The following SLC24A2 variants were observed in gnomAD, a reference collection of about 807,000 sequenced individuals.
SLC24A2 encodes sodium/potassium/calcium exchanger 2.
SLC24A2 carries 36 observed loss-of-function variants against 62.0 expected under a neutral mutation model. That is an observed-to-expected ratio of 0.58 (90% CI 0.44 to 0.77). SLC24A2 has a LOEUF of 0.77. Among genes scored for constraint, SLC24A2 ranks in the 30% least tolerant of loss-of-function variants. SLC24A2 has a pLI of 0.00. For missense variants in SLC24A2, 846 were observed against 817.9 expected, an observed-to-expected ratio of 1.03 and a Z score of -0.42; for synonymous variants, 358 against 294.0, an observed-to-expected ratio of 1.22 and a Z score of -2.23.
chr9:20,226,815 G>A, the SLC24A2 span, among the ~76,000 whole-genome samples: 3 of 152,192 alleles, frequency 2.0e-5, no homozygotes, highest in Non-Finnish European at 4.4e-5. Context: ...TCAATCATGA[G>A]TGTGTATTAC....
chr9:20,264,603 A>G, the SLC24A2 span, among the ~76,000 whole-genome samples: 1 of 152,236 alleles, frequency 6.6e-6, no homozygotes, highest in Admixed American at 6.5e-5. Context: ...ACAAAAGACA[A>G]TCTCAGTTTT....
chr9:19,870,275 A>T, the SLC24A2 span, among the ~76,000 whole-genome samples: 7 of 152,174 alleles, frequency 4.6e-5, no homozygotes, highest in African/African-American at 1.4e-4. Flanking sequence ...ATGGAATCAT[A>T]GCCTTCTATA....
the SLC24A2 span, among the ~76,000 whole-genome samples, chr9:19,990,342 T>C: frequency 1.3e-5 from 2 of 152,068 alleles, no homozygotes; most frequent in Non-Finnish European, 2.9e-5. Context: ...CTGGGCACGG[T>C]GGCTCGTACC....
chr9:19,524,161 C>CAAAAAAAAAA (rs1833326143), intron 9 of SLC24A2, among the ~76,000 whole-genome samples: 1 of 69,568 alleles, frequency 1.4e-5, no homozygotes, highest in African/African-American at 5.4e-5. Flanking sequence ...AAAAAAAAAG[C>CAAAAAAAAAA]AAATTAGGCC....
Position 19,739,606 on chromosome 9 carries a change from T to C in SLC24A2, c.930+46331A>G, listed in dbSNP as rs75939160. Among the ~76,000 whole-genome samples the C allele has an allele frequency of 4.8e-3, 729 of 152,300 alleles. 6 individuals carry two copies. Among genetic ancestry groups the C allele is most frequent in the East Asian group, 0.045 (232 of 5,186 alleles). ...CAATAAATAGTAGATCACTTGGATATTGATATGCGGGAAGAAAAGAATTTC... is the reference window on the plus strand; with the variant it reads ...CAATAAATAGTAGATCACTTGGATACTGATATGCGGGAAGAAAAGAATTTC... On this transcript the variant is annotated intron_variant, in intron 2 of 10. Coordinates refer to ENST00000341998, the MANE Select transcript of SLC24A2 (RefSeq NM_020344.4).
chr9:19,759,496 A>T (rs1429780610), intron 2 of SLC24A2, among the ~76,000 whole-genome samples: 4 of 152,228 alleles, frequency 2.6e-5, no homozygotes, highest in African/African-American at 9.6e-5. Flanking sequence ...TTCTTTAGTC[A>T]GTTCACAAAA....
the SLC24A2 span, among the ~76,000 whole-genome samples, chr9:19,999,901 C>G: frequency 6.6e-6 from 1 of 152,130 alleles, no homozygotes; most frequent in Non-Finnish European, 1.5e-5. Context: ...GGCAATTTTG[C>G]CAAGTGACTA....
chr9:20,021,728 TTCTC>T, the SLC24A2 span, among the ~76,000 whole-genome samples: 14 of 152,150 alleles, frequency 9.2e-5, no homozygotes, highest in East Asian at 1.9e-4. Flanking sequence ...CAGCTCAGAT[TTCTC>T]TCTATGTGTT....
chr9:20,278,916 G>C, the SLC24A2 span, among the ~76,000 whole-genome samples: 1 of 152,168 alleles, frequency 6.6e-6, no homozygotes, highest in Non-Finnish European at 1.5e-5. Flanking sequence ...AAGGAAAGAG[G>C]TTTAATTGAC....
At chr9:19,984,748 T>G in the SLC24A2 span, among the ~76,000 whole-genome samples, 7 of 152,132 alleles carry the variant, frequency 4.6e-5, no homozygotes, top group Non-Finnish European at 1.0e-4. Flanking sequence ...GCCAATTGAT[T>G]TTTTGTTAAG....
chr9:19,956,791 T>G, the SLC24A2 span, among the ~76,000 whole-genome samples: 5 of 152,254 alleles, frequency 3.3e-5, no homozygotes, highest in East Asian at 7.7e-4. Context: ...GAGATTTGGG[T>G]GGAGACACAG....
At chr9:19,850,932 CAT>C in the SLC24A2 span, among the ~76,000 whole-genome samples, 6 of 48,804 alleles carry the variant, frequency 1.2e-4, no homozygotes, top group East Asian at 4.2e-4. Context: ...CTCATGTGGG[CAT>C]ATATATATAT....
At chr9:19,947,828 G>GAAAGAAAGAAAGAAAGA in the SLC24A2 span, among the ~76,000 whole-genome samples, 1 of 141,568 alleles carries the variant, frequency 7.1e-6, no homozygotes, top group Non-Finnish European at 1.6e-5. Flanking sequence ...AAGAAAGAAA[G>GAAAGAAAGAAAGAAAGA]AAAGAAAGAA....
chr9:19,533,948 T>C (rs1833829270), intron 8 of SLC24A2, among the ~76,000 whole-genome samples: 1 of 152,238 alleles, frequency 6.6e-6, no homozygotes, highest in South Asian at 2.1e-4. Context: ...CAATATGCTT[T>C]GTGAATAAAC....
At chr9:19,666,747 T>G (rs758092883) in intron 2 of SLC24A2, among the ~76,000 whole-genome samples, 2 of 152,190 alleles carry the variant, frequency 1.3e-5, no homozygotes, top group Admixed American at 1.3e-4. Context: ...AACCATTATG[T>G]TTTTTTCAAT....
the SLC24A2 span, among the ~76,000 whole-genome samples, chr9:19,966,057 C>T: frequency 1.0e-3 from 157 of 152,322 alleles, 1 homozygote; most frequent in African/African-American, 3.6e-3. Flanking sequence ...TTGGCTTGAT[C>T]TCTCAACAGA....
the SLC24A2 span, among the ~76,000 whole-genome samples, chr9:19,864,463 A>C: frequency 5.1e-4 from 77 of 152,134 alleles, no homozygotes; most frequent in Non-Finnish European, 8.5e-4. Flanking sequence ...ATATTAGAAA[A>C]ACAAATTCAA....
chr9:19,928,792 G>T, the SLC24A2 span: 4 of 152,122 alleles, frequency 2.6e-5, no homozygotes, highest in African/African-American at 9.7e-5. Context: ...AATATGTCTG[G>T]TTCTATTAGT....
intron 2 of SLC24A2, among the ~76,000 whole-genome samples, chr9:19,737,586 G>A (rs1410913490): frequency 6.6e-6 from 1 of 151,772 alleles, no homozygotes; most frequent in East Asian, 1.9e-4. Flanking sequence ...AAAATAAAAT[G>A]CAATTGCATT....
Sources: gnomAD v4.1 joint callset for allele counts (sites outside exome capture counted in the v4.1 genomes callset) on GRCh38, gnomAD v4.1.1 for gene constraint, MANE v1.5 for transcripts, NCBI Gene and HGNC (gene_info 2026-07-23, HGNC 2026-07-21) for gene names.